SLC39A10: variants seen among roughly 807,000 people sequenced by gnomAD.
SLC39A10 encodes zinc transporter ZIP10.
A neutral mutation model predicts 65.1 loss-of-function variants in SLC39A10; 13 were observed. The ratio of observed to expected loss-of-function variants is 0.20; its 90% CI spans 0.13 to 0.32. The LOEUF (loss-of-function observed/expected upper bound fraction) is 0.32. Among genes scored for constraint, SLC39A10 ranks in the 10% least tolerant of loss-of-function variants. The probability of loss-of-function intolerance (pLI) is 1.00; values close to 1 mark genes in which losing one functional copy is unlikely to be tolerated. For synonymous variants in SLC39A10, 321 were observed against 342.2 expected, an observed-to-expected ratio of 0.94 and a Z score of 0.68; for missense variants, 831 against 1,018.4, an observed-to-expected ratio of 0.82 and a Z score of 2.50.
intron 2 of SLC39A10, among the ~76,000 whole-genome samples, chr2:195,648,735 T>G (rs902195667): frequency 6.6e-6 from 1 of 152,114 alleles, no homozygotes; most frequent in Non-Finnish European, 1.5e-5. Context: ...GAACAGAGAC[T>G]CTAGAGCCAG....
chr2:195,644,890 C>CTTATTTA (rs1688881167), intron 2 of SLC39A10, among the ~76,000 whole-genome samples: 1 of 138,144 alleles, frequency 7.2e-6, no homozygotes, highest in African/African-American at 2.7e-5. Flanking sequence ...AATCTAACTA[C>CTTATTTA]TTTATTTATT....
At chr2:195,693,873 G>GTC (rs1366434788) in intron 3 of SLC39A10, among the ~76,000 whole-genome samples, 1 of 152,096 alleles carries the variant, frequency 6.6e-6, no homozygotes, top group Non-Finnish European at 1.5e-5. Context: ...TGCTTCACCA[G>GTC]TTCTGTGAGG....
chr2:195,619,331 G>A (rs1688299423), intron 2 of SLC39A10, among the ~76,000 whole-genome samples: 1 of 152,174 alleles, frequency 6.6e-6, no homozygotes, highest in Non-Finnish European at 1.5e-5. Context: ...AAAAGAGAAT[G>A]TAATAAAATT....
chr2:195,675,470 C>G (rs1690044059), intron 1 of SLC39A10, among the ~76,000 whole-genome samples: 1 of 152,198 alleles, frequency 6.6e-6, no homozygotes, highest in Non-Finnish European at 1.5e-5. Context: ...TAGTCTCGCT[C>G]TGTCGCCCAG....
intron 2 of SLC39A10, among the ~76,000 whole-genome samples, chr2:195,620,967 C>G (rs1426971990): frequency 1.3e-5 from 2 of 152,138 alleles, no homozygotes; most frequent in Non-Finnish European, 2.9e-5. Context: ...TCTGGTATCT[C>G]AGAGATCAAT....
At position 195,680,404 on chromosome 2, in the gene SLC39A10, A is replaced by G. The variant is rs1314373438; in HGVS notation, c.362A>G (p.Lys121Arg). 5 of 1,614,136 alleles carry G rather than the reference A, an allele frequency of 3.1e-6. No homozygotes were observed. Among genetic ancestry groups the G allele is most frequent in the Non-Finnish European group, 4.2e-6 (5 of 1,180,024 alleles). Reference sequence around the variant, plus strand: ...GATATTTTGGCAGTTCAAGAGGGAAAGCATTTTCACTCACATAACCACCAG... The same window carrying G: ...GATATTTTGGCAGTTCAAGAGGGAAGGCATTTTCACTCACATAACCACCAG... The part of the protein sequence containing the change: ...HLDILAVQEG[K>R]HFHSHNHQHS... The change falls in exon 2 of 10, where the codon AAG becomes AGG. Residue 121 changes from lysine (K) to arginine (R), a missense_variant. Physicochemically the swap from Lys to Arg is conservative, Grantham distance 26. Coordinates refer to ENST00000359634, the MANE Select transcript of SLC39A10 (RefSeq NM_020342.3).
At chr2:195,692,649 T>C (rs1690790342) in intron 3 of SLC39A10, among the ~76,000 whole-genome samples, 1 of 152,230 alleles carries the variant, frequency 6.6e-6, no homozygotes, top group Non-Finnish European at 1.5e-5. Flanking sequence ...GCTTGGTTGC[T>C]GTTGGTGTAT....
intron 2 of SLC39A10, among the ~76,000 whole-genome samples, chr2:195,638,196 T>C (rs1688731157): frequency 6.6e-6 from 1 of 152,176 alleles, no homozygotes; most frequent in African/African-American, 2.4e-5. Flanking sequence ...CCTTGCTATG[T>C]TGTCCAGGCT....
intron 5 of SLC39A10, among the ~76,000 whole-genome samples, chr2:195,711,104 C>A (rs1045620973): frequency 1.8e-4 from 27 of 152,124 alleles, no homozygotes; most frequent in Admixed American, 1.8e-3. Flanking sequence ...TTCATCACTA[C>A]AATAAATTAG....
chr2:195,707,265 C>G (rs1297183297), intron 4 of SLC39A10, among the ~76,000 whole-genome samples: 1 of 152,132 alleles, frequency 6.6e-6, no homozygotes, highest in Non-Finnish European at 1.5e-5. Flanking sequence ...GGGGACACTT[C>G]TAATTATATG....
chr2:195,657,736 C>T (rs1382147818), intron 1 of SLC39A10: 8 of 665,424 alleles, frequency 1.2e-5, no homozygotes, highest in Non-Finnish European at 1.5e-5. Context: ...CTTTGGGGAT[C>T]TGTAGGCAGG....
intron 8 of SLC39A10, among the ~76,000 whole-genome samples, chr2:195,727,006 G>A (rs1692264341): frequency 6.6e-6 from 1 of 151,878 alleles, no homozygotes; most frequent in Non-Finnish European, 1.5e-5. Flanking sequence ...TATTGCTTTC[G>A]ACCCATTAGC....
chr2:195,619,538 A>C (rs2105685433), intron 2 of SLC39A10, among the ~76,000 whole-genome samples: 1 of 152,286 alleles, frequency 6.6e-6, no homozygotes, highest in Non-Finnish European at 1.5e-5. Context: ...TGATGTGCCT[A>C]GCTATGGTGT....
intron 3 of SLC39A10, among the ~76,000 whole-genome samples, chr2:195,693,252 C>A (rs1245276492): frequency 6.6e-6 from 1 of 152,122 alleles, no homozygotes; most frequent in Non-Finnish European, 1.5e-5. Context: ...ACTTTTGCAT[C>A]TGTGTTCATC....
chr2:195,688,064 G>A (rs1690594180), intron 3 of SLC39A10, among the ~76,000 whole-genome samples: 1 of 152,172 alleles, frequency 6.6e-6, no homozygotes, highest in Non-Finnish European at 1.5e-5. Context: ...AAGACCTTTA[G>A]CATTTTAAGC....
At chr2:195,704,539 TCTAAAATTTATAC>T (rs1393471658) in intron 3 of SLC39A10, among the ~76,000 whole-genome samples, 1 of 152,188 alleles carries the variant, frequency 6.6e-6, no homozygotes, top group Non-Finnish European at 1.5e-5. Flanking sequence ...AGACCTCGTG[TCTAAAATTTATAC>T]CTATGACTAC....
intron 1 of SLC39A10, among the ~76,000 whole-genome samples, chr2:195,669,293 G>T (rs891625325): frequency 3.3e-5 from 5 of 152,074 alleles, no homozygotes; most frequent in African/African-American, 4.8e-5. Context: ...TATTTTAGAT[G>T]ACTTTAATAA....
At chr2:195,628,680 T>C (rs1688521038) in intron 2 of SLC39A10, among the ~76,000 whole-genome samples, 1 of 152,198 alleles carries the variant, frequency 6.6e-6, no homozygotes, top group Non-Finnish European at 1.5e-5. Flanking sequence ...GAAATTTCTT[T>C]CAACAAAAGT....
At chr2:195,652,604 C>T (rs1166075293), upstream of SLC39A10, among the ~76,000 whole-genome samples, 3 of 150,774 alleles carry the variant, frequency 2.0e-5, no homozygotes, top group Admixed American at 2.0e-4. Flanking sequence ...GTTATGGAGA[C>T]CAAGGTTCTT....
Sources: gnomAD v4.1 joint callset for allele counts (sites outside exome capture counted in the v4.1 genomes callset) on GRCh38, gnomAD v4.1.1 for gene constraint, MANE v1.5 for transcripts, NCBI Gene and HGNC (gene_info 2026-07-23, HGNC 2026-07-21) for gene names.